Variants in PRRX2 observed in about 807,000 individuals in gnomAD.
PRRX2 encodes the protein paired related homeobox 2.
PRRX2 carries 11 observed loss-of-function variants against 18.0 expected under a neutral mutation model. That is an observed-to-expected ratio of 0.61 (90% CI 0.39 to 1.01). PRRX2 has a LOEUF of 1.01. Among genes scored for constraint, PRRX2 ranks in the 50% least tolerant of loss-of-function variants. The pLI, the probability that PRRX2 is intolerant of heterozygous loss-of-function variation, is 0.01. For synonymous variants in PRRX2, 177 were observed against 154.8 expected (o/e 1.14, Z -1.06); for missense variants, 387 against 351.0 (o/e 1.10, Z -0.82).
intron 1 of PRRX2, among the ~76,000 whole-genome samples, chr9:129,690,984 G>T (rs1832353766): frequency 6.6e-6 from 1 of 151,926 alleles, no homozygotes; most frequent in African/African-American, 2.4e-5. Flanking sequence ...AGAGCCTATT[G>T]TTAAGTTTTT....
intron 1 of PRRX2, among the ~76,000 whole-genome samples, chr9:129,714,560 G>A (rs1334048557): frequency 3.3e-5 from 5 of 152,152 alleles, no homozygotes; most frequent in Non-Finnish European, 5.9e-5. Flanking sequence ...GCCTTGGCAC[G>A]ACCCTGGGCA....
intron 1 of PRRX2, among the ~76,000 whole-genome samples, chr9:129,676,293 C>T (rs1454261376): frequency 6.6e-6 from 1 of 152,246 alleles, no homozygotes; most frequent in Non-Finnish European, 1.5e-5. Context: ...AGCCCCACCT[C>T]TGGCCCGCTG....
Position 129,709,812 on chromosome 9 carries a change from G to A in PRRX2, c.260-9419G>A, listed in dbSNP as rs976591072. Among the ~76,000 whole-genome samples the A allele has an allele frequency of 6.6e-6, 1 of 151,796 alleles. No homozygotes were observed. Among genetic ancestry groups the A allele is most frequent in the African/African-American group, 2.4e-5 (1 of 41,312 alleles). Reference sequence around the variant, plus strand: ...CACTCGGAGGACGTGTCCTCACCAGGCCTCCATGGCTCCAGGGGAGGAACC... The same window carrying A: ...CACTCGGAGGACGTGTCCTCACCAGACCTCCATGGCTCCAGGGGAGGAACC... On this transcript the variant is annotated intron_variant, in intron 1 of 3. Coordinates refer to ENST00000372469, the MANE Select transcript of PRRX2 (RefSeq NM_016307.4). The surrounding 1 kb of genome is among the most constrained non-coding windows in gnomAD (Gnocchi z 4.2).
chr9:129,669,286 C>G (rs1296051089), intron 1 of PRRX2, among the ~76,000 whole-genome samples: 1 of 152,256 alleles, frequency 6.6e-6, no homozygotes, highest in African/African-American at 2.4e-5. Context: ...GCCAGTGACT[C>G]AGAACAAACC....
In PRRX2 at chr9:129,697,756, T is replaced by G. The variant is rs1249918880; in HGVS notation, c.260-21475T>G. Among the ~76,000 whole-genome samples the G allele has an allele frequency of 2.0e-5, 3 of 152,048 alleles. No individual in the cohort carries two copies. In the East Asian group the frequency reaches 5.9e-4, roughly 30 times the overall value. ...CTGTCCCGGGGGAGGGAAAGATGGC[T>G]TCTCAGAAACCTGCCCCCCTGCTAG... On this transcript the variant is annotated intron_variant, in intron 1 of 3. Coordinates refer to ENST00000372469, the MANE Select transcript of PRRX2 (RefSeq NM_016307.4).
intron 1 of PRRX2, among the ~76,000 whole-genome samples, chr9:129,714,891 G>A (rs1334538944): frequency 6.6e-6 from 1 of 152,142 alleles, no homozygotes; most frequent in Non-Finnish European, 1.5e-5. Flanking sequence ...CCCCTGCAAT[G>A]ACTGGCTTTC....
chr9:129,699,212 C>T (rs1024037617), intron 1 of PRRX2, among the ~76,000 whole-genome samples: 3 of 152,222 alleles, frequency 2.0e-5, no homozygotes, highest in African/African-American at 7.2e-5. Flanking sequence ...CACTTGAGGT[C>T]AGGAGTTCGA....
chr9:129,685,291 G>A (rs960426895), intron 1 of PRRX2, among the ~76,000 whole-genome samples: 1 of 152,270 alleles, frequency 6.6e-6, no homozygotes, highest in Non-Finnish European at 1.5e-5. Flanking sequence ...GGAGCCAAAA[G>A]CAGGGTGGAC....
chr9:129,698,588 A>G (rs1832458585), intron 1 of PRRX2, among the ~76,000 whole-genome samples: 1 of 152,180 alleles, frequency 6.6e-6, no homozygotes, highest in African/African-American at 2.4e-5. Context: ...ACATCAACTC[A>G]GAGACTAATC....
intron 1 of PRRX2, among the ~76,000 whole-genome samples, chr9:129,716,752 G>A (rs1206657761): frequency 1.3e-5 from 2 of 152,078 alleles, no homozygotes; most frequent in Non-Finnish European, 2.9e-5. Context: ...ACCGTGCCTG[G>A]CCGCTATGCT....
chr9:129,704,394 C>T (rs1243021937), intron 1 of PRRX2, among the ~76,000 whole-genome samples: 1 of 152,154 alleles, frequency 6.6e-6, no homozygotes, highest in African/African-American at 2.4e-5. Context: ...AGAGGAGAGA[C>T]CTCTTGTCTG....
At chr9:129,684,427 A>ACACAC (rs1440354447) in intron 1 of PRRX2, among the ~76,000 whole-genome samples, 21 of 82,928 alleles carry the variant, frequency 2.5e-4, no homozygotes, top group Non-Finnish European at 4.8e-4. Flanking sequence ...ACACAGATAC[A>ACACAC]ACACACACAC....
At chr9:129,718,269 G>A (rs1480896432) in intron 1 of PRRX2, among the ~76,000 whole-genome samples, 1 of 152,112 alleles carries the variant, frequency 6.6e-6, no homozygotes, top group East Asian at 1.9e-4. Flanking sequence ...TAACTGATTG[G>A]AGAACTCTTG....
rs116357471 is a variant in PRRX2, at chr9:129,676,162, C to A, written c.259+10036C>A. On this transcript the variant is annotated intron_variant, in intron 1 of 3. Transcript: ENST00000372469. ...TCCTTCCTCCTGCTCAGTCATTCAC[C>A]CGCTCCTTGCTGAGAGCCCATGTCT... Among the ~76,000 whole-genome samples, 542 of 152,332 alleles carry A rather than the reference C, an allele frequency of 3.6e-3. 2 individuals carry two copies. The highest frequency in any genetic ancestry group is 0.012 in the African/African-American group (511 of 41,570).
chr9:129,697,060 G>A (rs1225854229), intron 1 of PRRX2, among the ~76,000 whole-genome samples: 1 of 152,230 alleles, frequency 6.6e-6, no homozygotes, highest in Admixed American at 6.5e-5. Context: ...TAGGGTTACC[G>A]TGTGTGGAGA....
At position 129,671,023 on chromosome 9, in the gene PRRX2, C is replaced by T. The variant is rs990923412; in HGVS notation, c.259+4897C>T. On this transcript the variant is annotated intron_variant, in intron 1 of 3. Transcript: ENST00000372469. This position sits in a 1 kb window ranked among gnomAD's most constrained non-coding sequence, Gnocchi z 4.0. Reference sequence around the variant, plus strand: ...GGTGTCATGTCACCTCTCTGTGCCTCGTTCACCACCTGAACAGTGGGAGAT... The same window carrying T: ...GGTGTCATGTCACCTCTCTGTGCCTTGTTCACCACCTGAACAGTGGGAGAT... Among the ~76,000 whole-genome samples, 4 of 151,334 alleles carry T rather than the reference C, an allele frequency of 2.6e-5. No individual in the cohort carries two copies. Among genetic ancestry groups the T allele is most frequent in the Non-Finnish European group, 5.9e-5 (4 of 68,044 alleles).
At chr9:129,690,705 A>C (rs928157223) in intron 1 of PRRX2, among the ~76,000 whole-genome samples, 3 of 151,566 alleles carry the variant, frequency 2.0e-5, no homozygotes, top group Non-Finnish European at 4.4e-5. Flanking sequence ...ATGGGGTTTC[A>C]CTATGTTGAC....
intron 1 of PRRX2, among the ~76,000 whole-genome samples, chr9:129,684,499 CA>C: frequency 1.3e-5 from 1 of 77,024 alleles, no homozygotes; most frequent in African/African-American, 4.9e-5. Flanking sequence ...CACACACACA[CA>C]CACACACACA....
intron 1 of PRRX2, among the ~76,000 whole-genome samples, chr9:129,673,196 C>T (rs113984794): frequency 0.023 from 3,569 of 152,338 alleles, 59 homozygotes; most frequent in Middle Eastern, 0.075. Context: ...AGCCTGTAAT[C>T]CTAGCACTTT....
Sources: allele counts gnomAD v4.1 joint callset (sites outside exome capture counted in the v4.1 genomes callset), GRCh38; gene constraint gnomAD v4.1.1; non-coding constraint Gnocchi (gnomAD v3.1); transcripts MANE v1.5; gene names NCBI Gene and HGNC (gene_info 2026-07-23, HGNC 2026-07-21).